Variants in TCF7L2 observed in about 807,000 individuals in gnomAD.
TCF7L2 encodes the protein transcription factor 7-like 2.
Under a neutral mutation model 77.9 loss-of-function variants are expected in TCF7L2, and 23 were observed. The observed-to-expected ratio is 0.30, with a 90% CI of 0.21 to 0.42. TCF7L2 has a LOEUF of 0.42. Ranked by LOEUF, TCF7L2 falls within the 10% of genes least tolerant of loss-of-function variation. TCF7L2 has a pLI of 1.00. For synonymous variants in TCF7L2, 413 were observed against 340.2 expected (o/e 1.21, Z -2.36); for missense variants, 654 against 793.1 (o/e 0.82, Z 2.11).
At chr10:113,135,075 A>G (rs2067197767) in intron 5 of TCF7L2, among the ~76,000 whole-genome samples, 1 of 152,328 alleles carries the variant, frequency 6.6e-6, no homozygotes, top group South Asian at 2.1e-4. Flanking sequence ...GGTTGCCCAC[A>G]GTTATAGAGC....
chr10:113,055,761 G>A (rs1008326639), intron 5 of TCF7L2, among the ~76,000 whole-genome samples: 1 of 152,156 alleles, frequency 6.6e-6, no homozygotes, highest in African/African-American at 2.4e-5. Context: ...GGTTTTGAAA[G>A]AAAGAAGTTT....
At chr10:113,115,091 A>G (rs2063560715) in intron 5 of TCF7L2, among the ~76,000 whole-genome samples, 1 of 152,128 alleles carries the variant, frequency 6.6e-6, no homozygotes, top group South Asian at 2.1e-4. Context: ...AGGGTAATAC[A>G]CAGATTAAAT....
chr10:113,048,809 C>G (rs2053895122), intron 5 of TCF7L2, among the ~76,000 whole-genome samples: 1 of 152,122 alleles, frequency 6.6e-6, no homozygotes, highest in South Asian at 2.1e-4. Flanking sequence ...GCCACTGGCT[C>G]TTTAAGAGAG....
At chr10:112,989,626 G>A (rs1216666540) in intron 4 of TCF7L2, among the ~76,000 whole-genome samples, 1 of 152,174 alleles carries the variant, frequency 6.6e-6, no homozygotes, top group African/African-American at 2.4e-5. Context: ...AGCCTTTGAT[G>A]CAGGTAGACC....
In TCF7L2 at chr10:113,041,680, T is replaced by C. The variant is rs143452706; in HGVS notation, c.552+1554T>C. ...TAATGCAGGTTTCTCCAAAAGTGAATGCCCTGTTAAAAAAAAATTCTTAAC... is the reference window on the plus strand; with the variant it reads ...TAATGCAGGTTTCTCCAAAAGTGAACGCCCTGTTAAAAAAAAATTCTTAAC... On this transcript the variant is annotated intron_variant, in intron 5 of 13. Transcript: ENST00000627217. Among the ~76,000 whole-genome samples, 1,366 of 152,200 alleles carry C rather than the reference T, an allele frequency of 9.0e-3. 17 individuals carry two copies. The highest frequency in any genetic ancestry group is 0.031 in the African/African-American group (1,298 of 41,540).
intron 5 of TCF7L2, among the ~76,000 whole-genome samples, chr10:113,097,637 CTT>C (rs1028223363): frequency 2.2e-5 from 2 of 92,028 alleles, no homozygotes; most frequent in Non-Finnish European, 3.7e-5. Flanking sequence ...GAGTAAGACT[CTT>C]GTCTCGGAAA....
At chr10:112,956,906 C>G (rs1214744219) in intron 3 of TCF7L2, among the ~76,000 whole-genome samples, 1 of 152,092 alleles carries the variant, frequency 6.6e-6, no homozygotes. Context: ...TGGTGGTATC[C>G]TAATGCAAAT....
intron 4 of TCF7L2, among the ~76,000 whole-genome samples, chr10:113,020,175 T>C (rs1331365660): frequency 6.6e-6 from 1 of 152,226 alleles, no homozygotes; most frequent in African/African-American, 2.4e-5. Flanking sequence ...AGGGCAGCCA[T>C]GCTGCCTCAC....
chr10:113,160,660 G>C lies in TCF7L2; in HGVS notation c.1360G>C (p.Asp454His), dbSNP rs750925453. ...GAAGTGTCGGGCACTGTTCGGGCTT[G>C]ACCGACAGACTTTATGGTGCAAACC... The change falls in exon 13 of 14, where the codon GAC becomes CAC. Residue 454 changes from aspartate (D) to histidine (H), a missense_variant. Coordinates refer to ENST00000627217, the MANE Select transcript of TCF7L2 (RefSeq NM_001146274.2). 1.3e-6 allele frequency: 2 copies of C among 1,596,726 alleles called. No homozygotes were observed. Among genetic ancestry groups the C allele is most frequent in the Non-Finnish European group, 1.7e-6 (2 of 1,171,308 alleles).
chr10:112,983,529 A>G (rs2040905372), intron 4 of TCF7L2, among the ~76,000 whole-genome samples: 1 of 152,134 alleles, frequency 6.6e-6, no homozygotes, highest in African/African-American at 2.4e-5. Flanking sequence ...TCAGTTCTCA[A>G]ATGGCAGAGG....
Position 113,049,348 on chromosome 10 carries a change from C to T in TCF7L2, c.552+9222C>T, listed in dbSNP as rs144374886. On this transcript the variant is annotated intron_variant, in intron 5 of 13. Coordinates refer to ENST00000627217, the MANE Select transcript of TCF7L2 (RefSeq NM_001146274.2). ...TGTTCAACATCTCAGTAAAGCTCAA[C>T]AACATCGACCCATTACTTAGGCCTC... 4.7e-3 allele frequency among the ~76,000 whole-genome samples: 722 copies of T among 152,160 alleles called. 2 individuals are homozygous for T. Among genetic ancestry groups the T allele is most frequent in the Non-Finnish European group, 8.6e-3 (583 of 68,010 alleles).
intron 5 of TCF7L2, among the ~76,000 whole-genome samples, chr10:113,079,948 T>G (rs2059152012): frequency 6.6e-6 from 1 of 152,006 alleles, no homozygotes; most frequent in African/African-American, 2.4e-5. Context: ...GTGAGCACTG[T>G]GCCTGATCGC....
Position 113,166,867 on chromosome 10 carries a change from A to G in TCF7L2, c.*895A>G. The G allele has an allele frequency of 4.4e-6, 1 of 229,382 alleles. No individual in the cohort carries two copies. The highest frequency in any genetic ancestry group is 8.6e-6 in the Non-Finnish European group (1 of 115,768). The allele number at this position is 229,382 out of a possible 1,614,324, so 14.2% of individuals were successfully genotyped here. ...ACCCAGATGTCACCAAATGGACATTAATAGTTGCATTAAGGATCAGTAGCA... is the reference window on the plus strand; with the variant it reads ...ACCCAGATGTCACCAAATGGACATTGATAGTTGCATTAAGGATCAGTAGCA... On this transcript the variant is annotated 3_prime_UTR_variant, in exon 14 of 14. Transcript: ENST00000627217.
At chr10:112,965,113 A>G (rs991508529) in intron 4 of TCF7L2, among the ~76,000 whole-genome samples, 7 of 152,108 alleles carry the variant, frequency 4.6e-5, no homozygotes, top group Admixed American at 4.6e-4. Flanking sequence ...GATCAAAATC[A>G]TGTTAAGTGG....
At chr10:113,011,955 A>G (rs532370626) in intron 4 of TCF7L2, among the ~76,000 whole-genome samples, 3 of 152,072 alleles carry the variant, frequency 2.0e-5, no homozygotes, top group South Asian at 2.1e-4. Context: ...GAGCATTACT[A>G]CCTCAAGGAT....
At chr10:113,008,320 C>T (rs978688886) in intron 4 of TCF7L2, among the ~76,000 whole-genome samples, 1 of 152,150 alleles carries the variant, frequency 6.6e-6, no homozygotes, top group Admixed American at 6.5e-5. Context: ...TGGACATCTT[C>T]CTGGTCAGTG....
chr10:112,960,170 A>G (rs764818444), intron 3 of TCF7L2, among the ~76,000 whole-genome samples: 13 of 152,202 alleles, frequency 8.5e-5, no homozygotes, highest in Non-Finnish European at 1.8e-4. Flanking sequence ...GTCTTTGAGG[A>G]GGAGATTCCT....
chr10:113,066,088 C>T (rs1445922248), intron 5 of TCF7L2, among the ~76,000 whole-genome samples: 2 of 152,114 alleles, frequency 1.3e-5, no homozygotes, highest in Non-Finnish European at 2.9e-5. Context: ...TAAGGTTGGA[C>T]GCGGTGGCTC....
At chr10:113,062,756 A>G (rs2056668060) in intron 5 of TCF7L2, among the ~76,000 whole-genome samples, 1 of 152,210 alleles carries the variant, frequency 6.6e-6, no homozygotes, top group African/African-American at 2.4e-5. Context: ...CCTGGAGGTC[A>G]GGGCTCTGTG....
Sources: gnomAD v4.1 joint callset for allele counts (sites outside exome capture counted in the v4.1 genomes callset) on GRCh38, gnomAD v4.1.1 for gene constraint, MANE v1.5 for transcripts, NCBI Gene and HGNC (gene_info 2026-07-23, HGNC 2026-07-21) for gene names.